ERBB4: variants seen among roughly 807,000 people sequenced by gnomAD.
ERBB4 encodes receptor tyrosine-protein kinase erbB-4.
Under a neutral mutation model 158.0 loss-of-function variants are expected in ERBB4, and 42 were observed. That is an observed-to-expected ratio of 0.27 (90% CI 0.21 to 0.34). ERBB4 has a LOEUF of 0.34. Among genes scored for constraint, ERBB4 ranks in the 10% least tolerant of loss-of-function variants. The probability of loss-of-function intolerance (pLI) is 1.00; values close to 1 mark genes in which losing one functional copy is unlikely to be tolerated. For synonymous variants in ERBB4, 583 were observed against 558.7 expected, an observed-to-expected ratio of 1.04 and a Z score of -0.61; for missense variants, 1,333 against 1,624.1, an observed-to-expected ratio of 0.82 and a Z score of 3.08.
chr2:211,719,215 C>A (rs1321111653), intron 7 of ERBB4, among the ~76,000 whole-genome samples: 1 of 152,198 alleles, frequency 6.6e-6, no homozygotes, highest in Non-Finnish European at 1.5e-5. Context: ...GTCACTATTA[C>A]CACGATTGCT....
At chr2:212,229,939 A>C (rs1390112381) in intron 1 of ERBB4, among the ~76,000 whole-genome samples, 1 of 152,190 alleles carries the variant, frequency 6.6e-6, no homozygotes, top group Non-Finnish European at 1.5e-5. Context: ...ACTGTTGGCC[A>C]ATACCTAAGC....
intron 7 of ERBB4, among the ~76,000 whole-genome samples, chr2:211,721,455 A>AAAAAAAAAAAAAAAAAAAAAAAAAAAC (rs1405949141): frequency 6.7e-6 from 1 of 148,840 alleles, no homozygotes; most frequent in African/African-American, 2.5e-5. Flanking sequence ...AAAAAAAAAA[A>AAAAAAAAAAAAAAAAAAAAAAAAAAAC]AAAAAAAAAA....
At chr2:212,481,966 G>A (rs762097495) in intron 1 of ERBB4, among the ~76,000 whole-genome samples, 3 of 152,180 alleles carry the variant, frequency 2.0e-5, no homozygotes, top group Non-Finnish European at 4.4e-5. Context: ...GGTAATGGTA[G>A]CAGCAATTGA....
intron 2 of ERBB4, among the ~76,000 whole-genome samples, chr2:212,023,905 C>G (rs2076714559): frequency 6.6e-6 from 1 of 150,498 alleles, no homozygotes; most frequent in East Asian, 1.9e-4. Context: ...ACAACAAAAA[C>G]TTACACACAA....
intron 3 of ERBB4, among the ~76,000 whole-genome samples, chr2:211,800,070 G>C (rs935440351): frequency 6.6e-6 from 1 of 152,128 alleles, no homozygotes; most frequent in South Asian, 2.1e-4. Context: ...TCCTTTTTAA[G>C]GGTGGGATTT....
intron 1 of ERBB4, among the ~76,000 whole-genome samples, chr2:212,384,850 G>C (rs779931864): frequency 4.2e-5 from 6 of 142,858 alleles, no homozygotes; most frequent in Non-Finnish European, 7.6e-5. Context: ...TAAATGCAAA[G>C]GAAGAATAGA....
chr2:212,116,512 A>C (rs1163105053), intron 2 of ERBB4, among the ~76,000 whole-genome samples: 2 of 152,144 alleles, frequency 1.3e-5, no homozygotes, highest in Non-Finnish European at 2.9e-5. Flanking sequence ...TAGTGGCACA[A>C]TCATAGTTCT....
At chr2:211,789,286 T>C (rs1039142482) in intron 3 of ERBB4, among the ~76,000 whole-genome samples, 12 of 152,128 alleles carry the variant, frequency 7.9e-5, no homozygotes, top group African/African-American at 2.2e-4. Flanking sequence ...AGGGGATTTC[T>C]TTTTTCACAT....
intron 1 of ERBB4, among the ~76,000 whole-genome samples, chr2:212,221,027 G>A (rs1336353749): frequency 1.3e-5 from 2 of 151,352 alleles, no homozygotes; most frequent in East Asian, 3.9e-4. Flanking sequence ...CAGTATGTAG[G>A]TGACTTCCAC....
At chr2:212,022,818 G>A (rs2076686038) in intron 2 of ERBB4, among the ~76,000 whole-genome samples, 1 of 152,092 alleles carries the variant, frequency 6.6e-6, no homozygotes, top group Non-Finnish European at 1.5e-5. Flanking sequence ...ATTTCTTCAG[G>A]TAAAGAGTAT....
At chr2:211,453,828 C>T (rs1200689553) in intron 20 of ERBB4, among the ~76,000 whole-genome samples, 1 of 152,136 alleles carries the variant, frequency 6.6e-6, no homozygotes, top group Non-Finnish European at 1.5e-5. Flanking sequence ...TTTTAACATA[C>T]TTATACCTCT....
intron 2 of ERBB4, among the ~76,000 whole-genome samples, chr2:212,084,609 A>G (rs1159520461): frequency 6.6e-6 from 1 of 152,006 alleles, no homozygotes; most frequent in African/African-American, 2.4e-5. Flanking sequence ...GATATTAGTG[A>G]AAATCACAAG....
At chr2:212,533,903 G>A (rs114254615) in intron 1 of ERBB4, among the ~76,000 whole-genome samples, 1,587 of 152,240 alleles carry the variant, frequency 0.01, 34 homozygotes, top group African/African-American at 0.036. Flanking sequence ...AACAGATGTA[G>A]GCTTGAACCT....
rs1167710243 is a variant in ERBB4, at chr2:212,003,251, AGG to A, written c.235-55637_235-55636del. On this transcript the variant is annotated intron_variant, in intron 2 of 27. Coordinates refer to ENST00000342788, the MANE Select transcript of ERBB4 (RefSeq NM_005235.3). ...AAGGAAGGAAGGAAGGAAGGAAGGA[AGG>A]AAGGAAAGAGAGAGAAAGACAATAC... is the stretch of plus-strand genomic sequence containing the variant. Among the ~76,000 whole-genome samples, 459 of 111,314 alleles carry A rather than the reference AGG, an allele frequency of 4.1e-3. 39 individuals are homozygous for A. Among genetic ancestry groups the A allele is most frequent in the Middle Eastern group, 0.016 (3 of 186 alleles). 73.0% of individuals were successfully genotyped at this position (111,314 alleles called of 152,430 possible). A position where few individuals can be genotyped will look rare whatever the true frequency, so the allele number is the denominator to read the frequency against.
intron 2 of ERBB4, among the ~76,000 whole-genome samples, chr2:212,033,847 A>G (rs1043684750): frequency 5.3e-5 from 8 of 151,954 alleles, no homozygotes; most frequent in African/African-American, 1.9e-4. Flanking sequence ...TGTGTAAAAT[A>G]GAGATATTAA....
rs1227496502 is a variant in ERBB4, at chr2:211,826,471, T to C, written c.422-38312A>G. Among the ~76,000 whole-genome samples the C allele has an allele frequency of 4.6e-5, 7 of 151,990 alleles. No homozygotes were observed. In the East Asian group the frequency reaches 1.4e-3, roughly 29 times the overall value. On this transcript the variant is annotated intron_variant, in intron 3 of 27. Transcript: ENST00000342788. Reference sequence around the variant, plus strand: ...GTGTTTCCATCCATAGCCCTTATTATCTTCTCTTATACTATATTATTTATT... The same window carrying C: ...GTGTTTCCATCCATAGCCCTTATTACCTTCTCTTATACTATATTATTTATT...
intron 1 of ERBB4, among the ~76,000 whole-genome samples, chr2:212,404,591 G>A (rs1432322415): frequency 6.6e-6 from 1 of 152,046 alleles, no homozygotes; most frequent in Admixed American, 6.6e-5. Context: ...AGGATGACAA[G>A]TAAAAGAAAA....
intron 1 of ERBB4, among the ~76,000 whole-genome samples, chr2:212,267,656 T>C (rs1032700524): frequency 6.7e-6 from 1 of 150,284 alleles, no homozygotes; most frequent in East Asian, 2.0e-4. Flanking sequence ...TGTGCAGGTT[T>C]GTTACATATG....
In ERBB4 at chr2:211,438,690, A is replaced by G. The variant is rs546409232; in HGVS notation, c.2488-7590T>C. On this transcript the variant is annotated intron_variant, in intron 20 of 27. Transcript: ENST00000342788. ...TGGTTACTCAGCACTGTTAGGTGCA[A>G]TAGCTTCTCATTCTGCTTGTTCCTG... Among the ~76,000 whole-genome samples, 5 of 152,232 alleles carry G rather than the reference A, an allele frequency of 3.3e-5. No homozygotes were observed. In the South Asian group the frequency reaches 1.0e-3, roughly 32 times the overall value.
Sources: gnomAD v4.1 joint callset for allele counts (sites outside exome capture counted in the v4.1 genomes callset) on GRCh38, gnomAD v4.1.1 for gene constraint, MANE v1.5 for transcripts, NCBI Gene and HGNC (gene_info 2026-07-23, HGNC 2026-07-21) for gene names.